Variants in ADAMTSL1 observed in about 807,000 individuals in gnomAD.
The protein encoded by ADAMTSL1 is ADAMTS like 1.
ADAMTSL1 carries 126 observed loss-of-function variants against 201.8 expected under a neutral mutation model. The ratio of observed to expected loss-of-function variants is 0.62; its 90% CI spans 0.54 to 0.72. The LOEUF is 0.72. ADAMTSL1 is among the 30% of genes least tolerant of loss of function. The probability of loss-of-function intolerance (pLI) is 0.00; values close to 1 mark genes in which losing one functional copy is unlikely to be tolerated. For synonymous variants in ADAMTSL1, 1,121 were observed against 903.4 expected (o/e 1.24, Z -4.32); for missense variants, 2,679 against 2,277.8 (o/e 1.18, Z -3.59).
intron 3 of ADAMTSL1, among the ~76,000 whole-genome samples, chr9:18,563,003 G>A (rs1414925309): frequency 6.6e-6 from 1 of 152,162 alleles, no homozygotes; most frequent in Non-Finnish European, 1.5e-5. Flanking sequence ...CCCACCTTCT[G>A]AAGCCTACTT....
chr9:18,272,803 C>G (rs191493930), intron 2 of ADAMTSL1, among the ~76,000 whole-genome samples: 1 of 152,312 alleles, frequency 6.6e-6, no homozygotes, highest in African/African-American at 2.4e-5. Flanking sequence ...CAATTTCCAT[C>G]TCCTCCGTGA....
At chr9:18,736,293 C>G (rs1818497634) in intron 15 of ADAMTSL1, among the ~76,000 whole-genome samples, 2 of 152,122 alleles carry the variant, frequency 1.3e-5, no homozygotes, top group Non-Finnish European at 2.9e-5. Context: ...TGAGGGGAGA[C>G]AAGTGAGTAA....
intron 2 of ADAMTSL1, among the ~76,000 whole-genome samples, chr9:18,302,727 T>G (rs1833755701): frequency 1.3e-5 from 2 of 152,242 alleles, no homozygotes; most frequent in African/African-American, 2.4e-5. Context: ...GTCTTATGTT[T>G]CTTACTAATG....
intron 4 of ADAMTSL1, among the ~76,000 whole-genome samples, chr9:18,583,465 T>A (rs1016096178): frequency 6.6e-6 from 1 of 152,040 alleles, no homozygotes; most frequent in Non-Finnish European, 1.5e-5. Flanking sequence ...GCCACAGGGG[T>A]GGGGCTGTCA....
intron 1 of ADAMTSL1, among the ~76,000 whole-genome samples, chr9:17,917,689 C>G (rs1826150075): frequency 6.6e-6 from 1 of 151,880 alleles, no homozygotes; most frequent in Admixed American, 6.6e-5. Context: ...TAGAGCAATG[C>G]CGGCTTCATA....
intron 2 of ADAMTSL1, among the ~76,000 whole-genome samples, chr9:18,231,414 C>G (rs1356993457): frequency 6.6e-6 from 1 of 152,182 alleles, no homozygotes; most frequent in Non-Finnish European, 1.5e-5. Context: ...CAGCACTTGA[C>G]AGGTTGACCA....
rs149322079 is a variant in ADAMTSL1 at position 18,730,783 on chromosome 9, G to A, written c.2006+9118G>A. On this transcript the variant is annotated intron_variant, in intron 15 of 28. Transcript: ENST00000380548. ...TGAGGCCTAGACACGCACAGACACAGGCCGTGGGCTGCATGCTGGAACAGC... is the reference window on the plus strand; with the variant it reads ...TGAGGCCTAGACACGCACAGACACAAGCCGTGGGCTGCATGCTGGAACAGC... 5.1e-3 allele frequency among the ~76,000 whole-genome samples: 770 copies of A among 152,294 alleles called. 3 individuals carry two copies. Among genetic ancestry groups the A allele is most frequent in the African/African-American group, 0.018 (731 of 41,556 alleles).
intron 1 of ADAMTSL1, among the ~76,000 whole-genome samples, chr9:18,062,442 A>G (rs1027299850): frequency 1.3e-5 from 2 of 152,188 alleles, no homozygotes; most frequent in Non-Finnish European, 2.9e-5. Context: ...TAAGTAGAAT[A>G]AAAATGCATA....
chr9:18,060,460 G>C (rs1247605319), intron 1 of ADAMTSL1, among the ~76,000 whole-genome samples: 1 of 152,162 alleles, frequency 6.6e-6, no homozygotes, highest in Non-Finnish European at 1.5e-5. Flanking sequence ...CTGAGGGTCA[G>C]AGTCTGTATG....
intron 2 of ADAMTSL1, among the ~76,000 whole-genome samples, chr9:18,516,163 G>A (rs1217116549): frequency 6.6e-6 from 1 of 151,712 alleles, no homozygotes; most frequent in African/African-American, 2.4e-5. Flanking sequence ...TCTTCGGTTT[G>A]GGCCCAATTT....
At chr9:18,822,521 G>A (rs374679550) in intron 21 of ADAMTSL1, among the ~76,000 whole-genome samples, 3 of 152,186 alleles carry the variant, frequency 2.0e-5, no homozygotes, top group Non-Finnish European at 2.9e-5. Flanking sequence ...GGCATTAAAG[G>A]TATCTCAGTT....
chr9:18,184,410 A>G (rs1243315593), intron 2 of ADAMTSL1, among the ~76,000 whole-genome samples: 1 of 152,216 alleles, frequency 6.6e-6, no homozygotes, highest in Non-Finnish European at 1.5e-5. Flanking sequence ...TTCCTACACA[A>G]AACTTTTACA....
chr9:17,924,618 T>C (rs1221536989), intron 1 of ADAMTSL1, among the ~76,000 whole-genome samples: 1 of 148,732 alleles, frequency 6.7e-6, no homozygotes, highest in Admixed American at 6.8e-5. Context: ...ATTCCCTATT[T>C]AATAAATGGT....
intron 20 of ADAMTSL1, among the ~76,000 whole-genome samples, chr9:18,813,253 C>A (rs1446824678): frequency 6.6e-6 from 1 of 152,186 alleles, no homozygotes; most frequent in Non-Finnish European, 1.5e-5. Flanking sequence ...CATGAGCCAC[C>A]ACACCCGGCC....
intron 5 of ADAMTSL1, among the ~76,000 whole-genome samples, chr9:18,624,656 G>T (rs766857489): frequency 6.6e-6 from 1 of 152,064 alleles, no homozygotes; most frequent in African/African-American, 2.4e-5. Flanking sequence ...AGACTACTGT[G>T]CTCAGATAGA....
intron 1 of ADAMTSL1, among the ~76,000 whole-genome samples, chr9:18,069,950 G>T (rs751904800): frequency 6.6e-6 from 1 of 152,216 alleles, no homozygotes; most frequent in Non-Finnish European, 1.5e-5. Flanking sequence ...GGAGCCTATA[G>T]TTGAATCTTT....
At chr9:18,622,160 G>A (rs963093672) in intron 4 of ADAMTSL1, 83 bp from the exon 5 acceptor site, 6 of 1,548,686 alleles carry the variant, frequency 3.9e-6, no homozygotes, top group South Asian at 1.2e-5. Context: ...TGAAGGGAGG[G>A]TTATTTCATG....
chr9:18,312,192 C>T (rs1417597194), intron 2 of ADAMTSL1, among the ~76,000 whole-genome samples: 3 of 152,176 alleles, frequency 2.0e-5, no homozygotes, highest in African/African-American at 7.2e-5. Flanking sequence ...GGAATTTGAG[C>T]TTTAACCTGT....
chr9:18,006,158 G>A (rs1162570562), intron 1 of ADAMTSL1, among the ~76,000 whole-genome samples: 2 of 152,028 alleles, frequency 1.3e-5, no homozygotes, highest in African/African-American at 2.4e-5. Context: ...TTCAAGCTAC[G>A]AATGTGATAT....
Sources: allele counts gnomAD v4.1 joint callset (sites outside exome capture counted in the v4.1 genomes callset), GRCh38; gene constraint gnomAD v4.1.1; transcripts MANE v1.5; gene names NCBI Gene and HGNC (gene_info 2026-07-23, HGNC 2026-07-21).